The following SPRR2G variants were observed in gnomAD, a reference collection of about 807,000 sequenced individuals.
SPRR2G encodes the protein small proline-rich protein 2G.
Under a neutral mutation model 0.7 loss-of-function variants are expected in SPRR2G, and 1 was observed. The observed-to-expected ratio is 1.49, with a 90% CI of 0.53 to 7.06. SPRR2G has a LOEUF of 7.06. Ranked by LOEUF, SPRR2G falls within the 30% of genes most tolerant of loss-of-function variation. The pLI, the probability that SPRR2G is intolerant of heterozygous loss-of-function variation, is 0.14. For synonymous variants in SPRR2G, 38 were observed against 33.9 expected (o/e 1.12, Z -0.42); for missense variants, 96 against 88.5 (o/e 1.09, Z -0.34).
At chr1:153,166,882 TA>T in the SPRR2G span, among the ~76,000 whole-genome samples, 76,751 of 151,816 alleles carry the variant, frequency 0.51, 19,967 homozygotes, top group East Asian at 0.64. Context: ...TGAGGGCAGT[TA>T]AAAGAACTGT....
the SPRR2G span, among the ~76,000 whole-genome samples, chr1:153,179,353 C>A: frequency 1.3e-5 from 2 of 152,070 alleles, no homozygotes; most frequent in African/African-American, 4.8e-5. Flanking sequence ...GTCAAAAGAC[C>A]ATCACAGGGC....
chr1:153,166,663 G>A, the SPRR2G span, among the ~76,000 whole-genome samples: 1 of 152,136 alleles, frequency 6.6e-6, no homozygotes, highest in African/African-American at 2.4e-5. Flanking sequence ...TGGGGATGAA[G>A]ATCTCCAAGA....
At chr1:153,198,320 C>T in the SPRR2G span, among the ~76,000 whole-genome samples, 6 of 152,304 alleles carry the variant, frequency 3.9e-5, no homozygotes, top group African/African-American at 1.4e-4. Context: ...GAGCCTTGGG[C>T]CTCATCTTAA....
At chr1:153,163,231 A>G in the SPRR2G span, among the ~76,000 whole-genome samples, 1,009 of 152,264 alleles carry the variant, frequency 6.6e-3, 10 homozygotes, top group African/African-American at 0.023. Flanking sequence ...CTGTGCATGG[A>G]TTGTGTGTGA....
At chr1:153,159,512 C>T in the SPRR2G span, among the ~76,000 whole-genome samples, 7 of 152,204 alleles carry the variant, frequency 4.6e-5, no homozygotes, top group Non-Finnish European at 8.8e-5. Context: ...CAAACTGTTA[C>T]AATATCTGCC....
the SPRR2G span, among the ~76,000 whole-genome samples, chr1:153,173,645 A>C: frequency 6.6e-6 from 1 of 152,156 alleles, no homozygotes; most frequent in African/African-American, 2.4e-5. Flanking sequence ...GGTTGGACTG[A>C]AATGTGCTTC....
the SPRR2G span, among the ~76,000 whole-genome samples, chr1:153,156,275 T>C: frequency 6.6e-6 from 1 of 152,178 alleles, no homozygotes; most frequent in Admixed American, 6.5e-5. Flanking sequence ...TCCACTACAT[T>C]AGCCCTGCCA....
intron 1 of SPRR2G, 127 bp downstream of exon 1, chr1:153,150,725 A>G (rs555467431): frequency 2.9e-4 from 46 of 156,490 alleles, no homozygotes; most frequent in South Asian, 1.1e-3. Context: ...ATTTACCTTC[A>G]AGACCTCATT....
At chr1:153,172,703 T>C in the SPRR2G span, among the ~76,000 whole-genome samples, 1 of 152,198 alleles carries the variant, frequency 6.6e-6, no homozygotes, top group South Asian at 2.1e-4. Flanking sequence ...CCTTTTGTTT[T>C]CCAAAAGTTT....
At chr1:153,158,023 G>T in the SPRR2G span, among the ~76,000 whole-genome samples, 1 of 152,106 alleles carries the variant, frequency 6.6e-6, no homozygotes, top group African/African-American at 2.4e-5. Flanking sequence ...CAACATGTGG[G>T]ATTGTAATTC....
chr1:153,166,407 T>C, the SPRR2G span, among the ~76,000 whole-genome samples: 1 of 152,216 alleles, frequency 6.6e-6, no homozygotes, highest in African/African-American at 2.4e-5. Flanking sequence ...GGTTTTGTTG[T>C]TTGAGAAAGA....
the SPRR2G span, among the ~76,000 whole-genome samples, chr1:153,184,377 T>C: frequency 1.3e-5 from 2 of 152,198 alleles, no homozygotes; most frequent in Non-Finnish European, 2.9e-5. Flanking sequence ...TCCTCTCTCA[T>C]TTCCTTGAGC....
chr1:153,153,389 T>A (rs16834990), upstream of SPRR2G, among the ~76,000 whole-genome samples: 4,704 of 152,244 alleles, frequency 0.031, 242 homozygotes, highest in African/African-American at 0.11. Flanking sequence ...TTTGAGCAAT[T>A]TTCTTAACAT....
At chr1:153,164,078 C>A in the SPRR2G span, among the ~76,000 whole-genome samples, 5 of 152,190 alleles carry the variant, frequency 3.3e-5, no homozygotes, top group Non-Finnish European at 7.3e-5. Context: ...TTATCTCACA[C>A]TAAGTTATGA....
the SPRR2G span, among the ~76,000 whole-genome samples, chr1:153,182,560 G>A: frequency 8.6e-5 from 13 of 151,964 alleles, no homozygotes. Flanking sequence ...ACCCCTGACA[G>A]GTCCTGGTGT....
chr1:153,188,323 G>A, the SPRR2G span, among the ~76,000 whole-genome samples: 4 of 152,136 alleles, frequency 2.6e-5, no homozygotes, highest in Admixed American at 6.5e-5. Context: ...CTTCCCCCAG[G>A]TGCTCTGTCC....
chr1:153,168,751 G>A, the SPRR2G span, among the ~76,000 whole-genome samples: 9,357 of 152,076 alleles, frequency 0.062, 449 homozygotes, highest in Middle Eastern at 0.14. Context: ...AGTACCAAAC[G>A]AAATCAGATA....
At chr1:153,187,911 T>C in the SPRR2G span, among the ~76,000 whole-genome samples, 1 of 152,176 alleles carries the variant, frequency 6.6e-6, no homozygotes, top group Non-Finnish European at 1.5e-5. Context: ...TTTGTTGATG[T>C]TGATGTTATT....
At chr1:153,150,628 C>A (rs1451356052) in intron 1 of SPRR2G, among the ~76,000 whole-genome samples, 1 of 152,154 alleles carries the variant, frequency 6.6e-6, no homozygotes, top group African/African-American at 2.4e-5. Context: ...CATCTTGTGT[C>A]TCTCACTCTC....
Sources: gnomAD v4.1 joint callset for allele counts (sites outside exome capture counted in the v4.1 genomes callset) on GRCh38, gnomAD v4.1.1 for gene constraint, MANE v1.5 for transcripts, NCBI Gene and HGNC (gene_info 2026-07-23, HGNC 2026-07-21) for gene names.